Variants in TENM2 observed in about 807,000 individuals in gnomAD.
TENM2 encodes the protein teneurin-2.
A neutral mutation model predicts 245.2 loss-of-function variants in TENM2; 52 were observed. That is an observed-to-expected ratio of 0.21 (90% CI 0.17 to 0.27). The LOEUF (loss-of-function observed/expected upper bound fraction) is 0.27. TENM2 is among the 10% of genes least tolerant of loss of function. TENM2 has a pLI of 1.00. For missense variants in TENM2, 3,046 were observed against 3,666.8 expected (o/e 0.83, Z 4.37); for synonymous variants, 1,363 against 1,438.9 (o/e 0.95, Z 1.19).
At chr5:167,232,911 C>G in the TENM2 span, among the ~76,000 whole-genome samples, 1 of 152,148 alleles carries the variant, frequency 6.6e-6, no homozygotes, top group African/African-American at 2.4e-5. Context: ...TACCCAAAAA[C>G]ATATGTTAAA....
At chr5:167,702,954 C>T (rs1278825735) in intron 2 of TENM2, among the ~76,000 whole-genome samples, 3 of 152,162 alleles carry the variant, frequency 2.0e-5, no homozygotes, top group African/African-American at 4.8e-5. Context: ...TAAGCCACCA[C>T]GCCCAGCCAC....
intron 5 of TENM2, chr5:168,033,148 C>T (rs566361942): frequency 1.3e-5 from 2 of 152,090 alleles, no homozygotes; most frequent in Non-Finnish European, 2.9e-5. Context: ...TTTATTTTTT[C>T]GTGCCTGTCT....
chr5:168,118,502 C>T lies in TENM2; in HGVS notation c.2008+16C>T. On this transcript the variant is annotated intron_variant, in intron 10 of 28. Coordinates refer to ENST00000518659, the Ensembl canonical transcript of TENM2. ...TGTGAGGAAGGTAAGCCCGCCGGCC[C>T]CGGGGCTAGGCAGCAGTGGAGGGAG... 6.7e-7 allele frequency: 1 copy of T among 1,499,912 alleles called. No individual in the cohort carries two copies. The highest frequency in any genetic ancestry group is 9.0e-7 in the Non-Finnish European group (1 of 1,108,340). The allele number at this position is 1,499,912 out of a possible 1,614,324, so 92.9% of individuals were successfully genotyped here. A position where few individuals can be genotyped will look rare whatever the true frequency, so the allele number is the denominator to read the frequency against.
intron 9 of TENM2, among the ~76,000 whole-genome samples, chr5:168,109,710 T>C (rs965114589): frequency 3.9e-5 from 6 of 152,220 alleles, no homozygotes; most frequent in African/African-American, 1.4e-4. Flanking sequence ...ATGACTCCCA[T>C]GCACATTCAA....
chr5:167,847,735 C>G (rs1476438802), intron 2 of TENM2, among the ~76,000 whole-genome samples: 1 of 152,214 alleles, frequency 6.6e-6, no homozygotes, highest in African/African-American at 2.4e-5. Flanking sequence ...CAGAGCAAAA[C>G]TGGAAGAAGT....
chr5:167,208,999 T>G, the TENM2 span, among the ~76,000 whole-genome samples: 1 of 152,186 alleles, frequency 6.6e-6, no homozygotes, highest in East Asian at 1.9e-4. Flanking sequence ...AGCTGTCAAG[T>G]GGGAGAATCA....
At chr5:167,827,385 C>T (rs1561826705) in intron 2 of TENM2, among the ~76,000 whole-genome samples, 1 of 152,084 alleles carries the variant, frequency 6.6e-6, no homozygotes, top group Non-Finnish European at 1.5e-5. Context: ...TAAAAAGGTA[C>T]TAGCTACTAG....
At chr5:167,461,379 G>A (rs1766280362) in intron 2 of TENM2, among the ~76,000 whole-genome samples, 1 of 152,002 alleles carries the variant, frequency 6.6e-6, no homozygotes, top group Non-Finnish European at 1.5e-5. Flanking sequence ...TGTACTAGAT[G>A]GCCTCAAGAG....
At chr5:167,483,573 A>C (rs2127532171) in intron 2 of TENM2, among the ~76,000 whole-genome samples, 1 of 152,328 alleles carries the variant, frequency 6.6e-6, no homozygotes, top group South Asian at 2.1e-4. Context: ...AAGTGTTAAG[A>C]AAAGAAATGT....
intron 2 of TENM2, among the ~76,000 whole-genome samples, chr5:167,512,757 G>A (rs1770055742): frequency 6.6e-6 from 1 of 152,116 alleles, no homozygotes; most frequent in South Asian, 2.1e-4. Flanking sequence ...GGAACTCCAT[G>A]GAAAGCAATT....
rs1162977855 is a variant in TENM2, at chr5:167,874,817, C to G, written c.503-1169C>G. ...ACAACTTCTTGACCCAAGGGCCGCT[C>G]CATGTCACTGAGCACCTTCTGCCGG... On this transcript the variant is annotated intron_variant, in intron 2 of 28. Coordinates refer to ENST00000518659, the Ensembl canonical transcript of TENM2. 2.0e-5 allele frequency among the ~76,000 whole-genome samples: 3 copies of G among 152,198 alleles called. No homozygotes were observed. The South Asian group carries it at 6.2e-4, about 31-fold the overall frequency.
intron 2 of TENM2, among the ~76,000 whole-genome samples, chr5:167,440,530 TATATA>T (rs987602446): frequency 6.6e-6 from 1 of 152,148 alleles, no homozygotes; most frequent in African/African-American, 2.4e-5. Context: ...ATGAAACATA[TATATA>T]ATGTCCATAA....
the TENM2 span, among the ~76,000 whole-genome samples, chr5:167,114,167 T>A: frequency 1.3e-5 from 2 of 152,200 alleles, no homozygotes; most frequent in African/African-American, 4.8e-5. Context: ...CATCAAACGT[T>A]TTTCTTCTGT....
At chr5:167,508,909 C>T (rs1769741047) in intron 2 of TENM2, among the ~76,000 whole-genome samples, 1 of 152,140 alleles carries the variant, frequency 6.6e-6, no homozygotes, top group South Asian at 2.1e-4. Flanking sequence ...AACCTCTGCT[C>T]CCGGGTTCAA....
At chr5:167,926,149 G>A (rs1331398104) in intron 3 of TENM2, among the ~76,000 whole-genome samples, 2 of 152,128 alleles carry the variant, frequency 1.3e-5, no homozygotes, top group African/African-American at 2.4e-5. Flanking sequence ...GTTCAGGGTT[G>A]AGTATGATGA....
At chr5:167,639,950 T>G (rs1779446603) in intron 2 of TENM2, among the ~76,000 whole-genome samples, 2 of 152,200 alleles carry the variant, frequency 1.3e-5, no homozygotes, top group Non-Finnish European at 2.9e-5. Context: ...ATGAGTAAAC[T>G]GACATATATT....
chr5:168,018,390 T>TTC (rs1785844443), intron 5 of TENM2, among the ~76,000 whole-genome samples: 1 of 149,932 alleles, frequency 6.7e-6, no homozygotes, highest in African/African-American at 2.5e-5. Flanking sequence ...TTTTTTTTTT[T>TTC]CCTCTTTCTT....
intron 2 of TENM2, among the ~76,000 whole-genome samples, chr5:167,702,487 G>C (rs983637999): frequency 1.3e-5 from 2 of 150,224 alleles, no homozygotes; most frequent in African/African-American, 4.9e-5. Context: ...ATTACTCATA[G>C]AATTTCACTT....
At chr5:168,259,834 AG>A (rs1242392559) in intron 27 of TENM2, among the ~76,000 whole-genome samples, 2 of 152,360 alleles carry the variant, frequency 1.3e-5, no homozygotes, top group African/African-American at 4.8e-5. Flanking sequence ...TGCTAAATAA[AG>A]GAGTTGATAT....
Sources: gnomAD v4.1 joint callset for allele counts (sites outside exome capture counted in the v4.1 genomes callset) on GRCh38, gnomAD v4.1.1 for gene constraint, MANE v1.5 for transcripts, NCBI Gene and HGNC (gene_info 2026-07-23, HGNC 2026-07-21) for gene names.